The following RBFOX1 variants were observed in gnomAD, a reference collection of about 807,000 sequenced individuals.
RBFOX1 encodes the protein RNA binding protein fox-1 homolog 1.
Under a neutral mutation model 57.7 loss-of-function variants are expected in RBFOX1, and 8 were observed. That is an observed-to-expected ratio of 0.14 (90% confidence interval 0.08 to 0.25). RBFOX1 has a LOEUF of 0.25. Among genes scored for constraint, RBFOX1 ranks in the 10% least tolerant of loss-of-function variants. The pLI is 1.00. For synonymous variants in RBFOX1, 326 were observed against 222.4 expected, an observed-to-expected ratio of 1.47 and a Z score of -4.15; for missense variants, 611 against 548.5, an observed-to-expected ratio of 1.11 and a Z score of -1.14.
intron 4 of RBFOX1, among the ~76,000 whole-genome samples, chr16:7,153,608 T>TG (rs1275914651): frequency 7.8e-6 from 1 of 127,438 alleles, no homozygotes; most frequent in Non-Finnish European, 1.7e-5. Flanking sequence ...GTGATGGTGG[T>TG]GGGGGGAGGG....
At chr16:6,845,221 C>T (rs1447061856) in intron 3 of RBFOX1, among the ~76,000 whole-genome samples, 1 of 151,328 alleles carries the variant, frequency 6.6e-6, no homozygotes, top group Non-Finnish European at 1.5e-5. Flanking sequence ...GCAGCAATTG[C>T]TTTTGGCATT....
Position 7,040,423 on chromosome 16 carries a change from T to C in RBFOX1, c.-15-11634T>C, listed in dbSNP as rs151025256. The stretch of plus-strand genomic sequence containing the variant: ...TCTCATTTAATTATTACAATAACCA[T>C]ATAACTCAGGCATTTAAATTATATT... On this transcript the variant is annotated intron_variant, in intron 3 of 15. Coordinates refer to ENST00000550418, the MANE Select transcript of RBFOX1 (RefSeq NM_018723.4). 7.4e-4 allele frequency among the ~76,000 whole-genome samples: 113 copies of C among 152,320 alleles called. 2 individuals carry two copies. The highest frequency in any genetic ancestry group is 3.4e-3 in the Middle Eastern group (1 of 294).
chr16:5,790,313 T>C (rs946885801), intron 3 of RBFOX1, among the ~76,000 whole-genome samples: 45 of 152,134 alleles, frequency 3.0e-4, no homozygotes, highest in Non-Finnish European at 2.9e-5. Context: ...GACACGTATA[T>C]GGGAAAGGCT....
chr16:5,939,532 C>T (rs1597873356), intron 4 of RBFOX1, among the ~76,000 whole-genome samples: 2 of 152,186 alleles, frequency 1.3e-5, no homozygotes, highest in Admixed American at 6.5e-5. Flanking sequence ...AACATGGCTG[C>T]TGGCCGCCCT....
At chr16:5,335,866 G>A (rs555278631) in intron 1 of RBFOX1, among the ~76,000 whole-genome samples, 14 of 152,268 alleles carry the variant, frequency 9.2e-5, no homozygotes, top group African/African-American at 3.4e-4. Context: ...CGACTCTTTG[G>A]GGGTGGTGAT....
At chr16:6,984,708 T>C (rs2153598091) in intron 3 of RBFOX1, among the ~76,000 whole-genome samples, 1 of 152,278 alleles carries the variant, frequency 6.6e-6, no homozygotes, top group African/African-American at 2.4e-5. Context: ...TGGTGTGATC[T>C]CTTCTCACTG....
At chr16:6,642,100 G>A (rs1339247595) in intron 2 of RBFOX1, among the ~76,000 whole-genome samples, 2 of 152,124 alleles carry the variant, frequency 1.3e-5, no homozygotes, top group African/African-American at 4.8e-5. Context: ...TTAGGTGCTG[G>A]GGTCTGAGAG....
At chr16:7,189,415 G>A (rs1369262677) in intron 4 of RBFOX1, among the ~76,000 whole-genome samples, 1 of 104,760 alleles carries the variant, frequency 9.5e-6, no homozygotes, top group African/African-American at 3.9e-5. Flanking sequence ...GACAGAGCGA[G>A]ACTCCCTCTC....
At chr16:6,806,837 T>TATTTATATATATATA (rs1491107829) in intron 3 of RBFOX1, among the ~76,000 whole-genome samples, 10 of 68,912 alleles carry the variant, frequency 1.5e-4, no homozygotes, top group African/African-American at 4.5e-4. Flanking sequence ...TATATATATA[T>TATTTATATATATATA]TTTTTTTTTT....
intron 3 of RBFOX1, among the ~76,000 whole-genome samples, chr16:6,965,039 G>C (rs983639713): frequency 2.0e-5 from 3 of 151,980 alleles, no homozygotes; most frequent in African/African-American, 7.2e-5. Flanking sequence ...TTATCTCTAG[G>C]TTCTCCTCCT....
At chr16:7,225,434 A>C (rs1257142585) in intron 4 of RBFOX1, among the ~76,000 whole-genome samples, 1 of 152,060 alleles carries the variant, frequency 6.6e-6, no homozygotes, top group African/African-American at 2.4e-5. Flanking sequence ...CTGCCACCAC[A>C]TCAGATGCAC....
At chr16:6,526,302 C>T (rs1385308011) in intron 2 of RBFOX1, among the ~76,000 whole-genome samples, 1 of 152,150 alleles carries the variant, frequency 6.6e-6, no homozygotes, top group Non-Finnish European at 1.5e-5. Context: ...ACAAGCGGAG[C>T]CATTTGTCTT....
Position 7,471,962 on chromosome 16 carries a change from G to C in RBFOX1, c.28-46185G>C, listed in dbSNP as rs55968649. On this transcript the variant is annotated intron_variant, in intron 4 of 15. Transcript: ENST00000550418. Reference sequence around the variant, plus strand: ...ACGGGCTGAAGAAGCTGACAAAAAAGGTGCTTGGGACTGGATCTTTCACAG... The same window carrying C: ...ACGGGCTGAAGAAGCTGACAAAAAACGTGCTTGGGACTGGATCTTTCACAG... 8.3e-3 allele frequency among the ~76,000 whole-genome samples: 1,270 copies of C among 152,202 alleles called. 16 individuals are homozygous for C. The highest frequency in any genetic ancestry group is 0.029 in the African/African-American group (1,200 of 41,530).
chr16:6,753,948 G>A (rs1214190120), intron 3 of RBFOX1, among the ~76,000 whole-genome samples: 2 of 152,070 alleles, frequency 1.3e-5, no homozygotes, highest in African/African-American at 4.8e-5. Flanking sequence ...TGAAGGAGAA[G>A]AGAATCACTC....
At chr16:6,692,917 T>A (rs1179195685) in intron 3 of RBFOX1, among the ~76,000 whole-genome samples, 3 of 149,912 alleles carry the variant, frequency 2.0e-5, no homozygotes, top group Middle Eastern at 3.4e-3. Flanking sequence ...ATCTTCATAG[T>A]ACTACCATCA....
chr16:7,054,711 T>C (rs1350836672), intron 4 of RBFOX1, among the ~76,000 whole-genome samples: 1 of 152,194 alleles, frequency 6.6e-6, no homozygotes, highest in Admixed American at 6.5e-5. Flanking sequence ...AGGGTAACTG[T>C]CTGCAAGCCA....
At chr16:7,098,837 G>C (rs2151302788) in intron 4 of RBFOX1, among the ~76,000 whole-genome samples, 1 of 152,212 alleles carries the variant, frequency 6.6e-6, no homozygotes, top group South Asian at 2.1e-4. Flanking sequence ...TTTCTAGTGA[G>C]GCACAGCTAT....
chr16:7,186,031 G>A (rs1053069507), intron 4 of RBFOX1, among the ~76,000 whole-genome samples: 5 of 152,036 alleles, frequency 3.3e-5, no homozygotes, highest in African/African-American at 7.2e-5. Flanking sequence ...CAGGTTCAGC[G>A]ATATTTGCTA....
chr16:7,564,353 C>T (rs1019234832), intron 5 of RBFOX1, among the ~76,000 whole-genome samples: 1 of 151,654 alleles, frequency 6.6e-6, no homozygotes, highest in African/African-American at 2.4e-5. Context: ...GAGTGGCCAA[C>T]ATGTTGAAAC....
Sources: gnomAD v4.1 joint callset for allele counts (sites outside exome capture counted in the v4.1 genomes callset) on GRCh38, gnomAD v4.1.1 for gene constraint, MANE v1.5 for transcripts, NCBI Gene and HGNC (gene_info 2026-07-23, HGNC 2026-07-21) for gene names.